Variants in LAMA2 observed in about 807,000 individuals in gnomAD.
LAMA2 encodes the protein laminin subunit alpha-2.
A neutral mutation model predicts 364.8 loss-of-function variants in LAMA2; 269 were observed. The observed-to-expected ratio is 0.74, with a 90% CI of 0.67 to 0.82. The LOEUF is 0.82. LAMA2 is among the 40% of genes least tolerant of loss of function. The pLI is 0.00. For synonymous variants in LAMA2, 1,379 were observed against 1,370.6 expected, an observed-to-expected ratio of 1.01 and a Z score of -0.14; for missense variants, 3,807 against 3,873.2, an observed-to-expected ratio of 0.98 and a Z score of 0.45.
intron 43 of LAMA2, chr6:129,442,848 ATAAT>A: frequency 1.8e-6 from 1 of 557,728 alleles, no homozygotes; most frequent in South Asian, 2.2e-5. Context: ...AAACATAGAA[ATAAT>A]TTTTAAAATA....
intron 3 of LAMA2, among the ~76,000 whole-genome samples, chr6:129,072,430 A>G (rs373639635): frequency 6.6e-6 from 1 of 151,970 alleles, no homozygotes; most frequent in Non-Finnish European, 1.5e-5. Flanking sequence ...AGGTTTTCTC[A>G]TATGTTGAGT....
At chr6:129,372,607 A>G (rs1443503836) in intron 34 of LAMA2, among the ~76,000 whole-genome samples, 3 of 152,220 alleles carry the variant, frequency 2.0e-5, no homozygotes, top group African/African-American at 4.8e-5. Flanking sequence ...TGCTGTAAAC[A>G]TCTTTGTGCA....
chr6:129,310,769 G>A (rs955456753), intron 22 of LAMA2, among the ~76,000 whole-genome samples: 2 of 152,172 alleles, frequency 1.3e-5, no homozygotes, highest in African/African-American at 4.8e-5. Flanking sequence ...TAAGGGCTAA[G>A]AGAGGGCATG....
Position 129,280,124 on chromosome 6 carries a change from G to A in LAMA2, c.2514G>A (p.Gly838=), listed in dbSNP as rs746935278. The change falls in exon 18 of 65, where the codon GGG becomes GGA. Residue 838 remains glycine, a synonymous_variant. Transcript: ENST00000421865. ...LGLICDGCPV[G]YTGPRCERCA... ...TGATCTGTGATGGATGCCCTGTCGG[G>A]TACACAGGACCACGCTGTGAGAGGT... The A allele has an allele frequency of 6.2e-7, 1 of 1,611,530 alleles. No individual in the cohort carries two copies. Among genetic ancestry groups the A allele is most frequent in the African/African-American group, 1.3e-5 (1 of 74,920 alleles).
intron 1 of LAMA2, among the ~76,000 whole-genome samples, chr6:128,989,203 T>A (rs945569018): frequency 1.3e-5 from 2 of 152,132 alleles, no homozygotes; most frequent in Admixed American, 1.3e-4. Flanking sequence ...CAATTTATAG[T>A]AAAGAATATG....
chr6:129,131,213 C>G (rs116614160), intron 4 of LAMA2, among the ~76,000 whole-genome samples: 1,938 of 152,292 alleles, frequency 0.013, 42 homozygotes, highest in African/African-American at 0.044. Flanking sequence ...ACCTTTCATT[C>G]ATGCTGTGTT....
intron 7 of LAMA2, among the ~76,000 whole-genome samples, chr6:129,151,840 G>C (rs995297872): frequency 6.6e-6 from 1 of 152,126 alleles, no homozygotes; most frequent in Non-Finnish European, 1.5e-5. Flanking sequence ...AATGAGATTT[G>C]GGTGGGGACA....
chr6:129,460,815 A>G (rs1783215656), intron 49 of LAMA2, among the ~76,000 whole-genome samples: 1 of 151,918 alleles, frequency 6.6e-6, no homozygotes, highest in Non-Finnish European at 1.5e-5. Context: ...TAATTGACAC[A>G]TAGGATCCTA....
chr6:129,380,310 T>C (rs1356061840), intron 34 of LAMA2, among the ~76,000 whole-genome samples: 1 of 152,150 alleles, frequency 6.6e-6, no homozygotes, highest in Non-Finnish European at 1.5e-5. Context: ...AGAATGGTAA[T>C]AAGGTTGGCA....
intron 1 of LAMA2, among the ~76,000 whole-genome samples, chr6:129,023,631 T>C (rs1401886439): frequency 6.6e-6 from 1 of 152,198 alleles, no homozygotes; most frequent in Middle Eastern, 3.2e-3. Context: ...TGATTTTACC[T>C]TCTTAATTTC....
chr6:129,225,321 G>C (rs1156827197), intron 12 of LAMA2, among the ~76,000 whole-genome samples: 1 of 152,084 alleles, frequency 6.6e-6, no homozygotes, highest in East Asian at 1.9e-4. Context: ...GGTTTTTTGT[G>C]ACTCTATCTC....
At chr6:129,034,226 G>GT (rs1786447110) in intron 1 of LAMA2, among the ~76,000 whole-genome samples, 2 of 152,116 alleles carry the variant, frequency 1.3e-5, no homozygotes, top group African/African-American at 4.8e-5. Flanking sequence ...GTTTTTTGGA[G>GT]TTTTTTTGCA....
At chr6:129,503,323 T>C (rs373163334) in intron 60 of LAMA2, 43 bp downstream of exon 60, 39 of 1,560,358 alleles carry the variant, frequency 2.5e-5, no homozygotes, top group Admixed American at 1.0e-4. Flanking sequence ...AGGGAATTAC[T>C]GAGTGGCAGC....
At chr6:129,235,142 A>C (rs1232584359) in intron 12 of LAMA2, among the ~76,000 whole-genome samples, 5 of 152,318 alleles carry the variant, frequency 3.3e-5, no homozygotes, top group Admixed American at 6.5e-5. Flanking sequence ...AAAGACAAGC[A>C]GGAAACTTCC....
chr6:129,313,672 T>C (rs1487552528), intron 23 of LAMA2, among the ~76,000 whole-genome samples: 1 of 152,170 alleles, frequency 6.6e-6, no homozygotes, highest in Non-Finnish European at 1.5e-5. Flanking sequence ...AAAGGATTTT[T>C]CCCCTCAGAT....
At chr6:129,132,063 G>T (rs567960510) in intron 4 of LAMA2, among the ~76,000 whole-genome samples, 1 of 151,892 alleles carries the variant, frequency 6.6e-6, no homozygotes, top group African/African-American at 2.4e-5. Flanking sequence ...GATCTCAACC[G>T]CAAAAGTCAG....
chr6:129,100,306 A>G (rs760499826), intron 4 of LAMA2, among the ~76,000 whole-genome samples: 12 of 152,188 alleles, frequency 7.9e-5, no homozygotes, highest in African/African-American at 1.2e-4. Flanking sequence ...GATGGTAACT[A>G]TTAGGAGCAA....
At chr6:129,292,860 G>T in intron 20 of LAMA2, 2 of 985,784 alleles carry the variant, frequency 2.0e-6, no homozygotes, top group African/African-American at 1.7e-5. Flanking sequence ...CTGCGATCCC[G>T]TTGGCTCTGT....
chr6:128,969,216 CT>C (rs1486360287), intron 1 of LAMA2, among the ~76,000 whole-genome samples: 1 of 152,234 alleles, frequency 6.6e-6, no homozygotes, highest in East Asian at 1.9e-4. Flanking sequence ...TCTTTTACCT[CT>C]TTTTTGGTCT....
Sources: allele counts gnomAD v4.1 joint callset (sites outside exome capture counted in the v4.1 genomes callset), GRCh38; gene constraint gnomAD v4.1.1; transcripts MANE v1.5; gene names NCBI Gene and HGNC (gene_info 2026-07-23, HGNC 2026-07-21).